Variants in SMAP1 observed in about 807,000 individuals in gnomAD.
The protein encoded by SMAP1 is stromal membrane-associated protein 1.
In SMAP1, 24 loss-of-function variants were observed where a neutral mutation model predicts 58.5. That is an observed-to-expected ratio of 0.41 (90% confidence interval 0.30 to 0.58). The LOEUF is 0.58. Among genes scored for constraint, SMAP1 ranks in the 20% least tolerant of loss-of-function variants. The pLI, the probability that SMAP1 is intolerant of heterozygous loss-of-function variation, is 0.29. For missense variants in SMAP1, 563 were observed against 566.3 expected, an observed-to-expected ratio of 0.99 and a Z score of 0.06; for synonymous variants, 216 against 196.6, an observed-to-expected ratio of 1.10 and a Z score of -0.82.
At chr6:70,763,984 C>T (rs758282982) in intron 3 of SMAP1, among the ~76,000 whole-genome samples, 10 of 152,130 alleles carry the variant, frequency 6.6e-5, no homozygotes, top group Non-Finnish European at 1.3e-4. Context: ...GGGCAGTCAA[C>T]TCACTGCAGC....
chr6:70,681,222 C>A (rs956942407), intron 1 of SMAP1, among the ~76,000 whole-genome samples: 15 of 151,898 alleles, frequency 9.9e-5, no homozygotes, highest in African/African-American at 3.6e-4. Context: ...AGTTCAAGGC[C>A]AGCCTTGGCA....
intron 5 of SMAP1, among the ~76,000 whole-genome samples, chr6:70,792,187 A>T (rs540018587): frequency 6.6e-6 from 1 of 152,192 alleles, no homozygotes; most frequent in African/African-American, 2.4e-5. Context: ...TTATGGGATA[A>T]TGAGTTCAGA....
At chr6:70,736,137 A>C (rs1301046148) in intron 2 of SMAP1, among the ~76,000 whole-genome samples, 2 of 152,304 alleles carry the variant, frequency 1.3e-5, no homozygotes, top group Non-Finnish European at 2.9e-5. Context: ...TTCAGTTTTT[A>C]GAGCACAACA....
In SMAP1 at chr6:70,805,812, T is replaced by G. The variant is rs1769100259; in HGVS notation, c.576+7075T>G. Among the ~76,000 whole-genome samples, 2 of 152,214 alleles carry G rather than the reference T, an allele frequency of 1.3e-5. 1 individual carries two copies. Among genetic ancestry groups the G allele is most frequent in the South Asian group, 4.1e-4 (2 of 4,836 alleles). The stretch of plus-strand genomic sequence containing the variant: ...CTGGAGGTCTACTGTGGACGCTGTT[T>G]TCCTGGGTGTCACCAGCAGAGGCTG... On this transcript the variant is annotated intron_variant, in intron 6 of 10. Transcript: ENST00000370455.
intron 3 of SMAP1, among the ~76,000 whole-genome samples, chr6:70,758,538 T>A (rs923996639): frequency 9.2e-5 from 14 of 151,460 alleles, no homozygotes; most frequent in Non-Finnish European, 2.1e-4. Flanking sequence ...AATAAATAAA[T>A]AAAAATAAAA....
chr6:70,704,147 A>G (rs1767745883), intron 1 of SMAP1, among the ~76,000 whole-genome samples: 4 of 152,150 alleles, frequency 2.6e-5, no homozygotes, highest in Non-Finnish European at 5.9e-5. Context: ...TGAAACTTAT[A>G]TTTTTCCTAG....
At chr6:70,742,110 C>T (rs1191807571) in intron 2 of SMAP1, among the ~76,000 whole-genome samples, 1 of 152,238 alleles carries the variant, frequency 6.6e-6, no homozygotes, top group African/African-American at 2.4e-5. Flanking sequence ...GCCCTGAGGA[C>T]ATTTTCCCCA....
intron 1 of SMAP1, chr6:70,668,674 T>C: frequency 6.5e-7 from 1 of 1,536,040 alleles, no homozygotes; most frequent in South Asian, 1.2e-5. Flanking sequence ...TGTACAAGGC[T>C]TTTATCTCTG....
rs530205235 is a variant in SMAP1, at chr6:70,669,311, A to G, written c.118+1170A>G. Among the ~76,000 whole-genome samples the G allele has an allele frequency of 9.2e-5, 14 of 152,318 alleles. No homozygotes were observed. The South Asian group carries it at 2.9e-3, about 32-fold the overall frequency. ...TTACTGTTCTATCTCAATACTATAT[A>G]AATGAGTCACATTTCAGTAGGCTGA... On this transcript the variant is annotated intron_variant, in intron 1 of 10. Transcript: ENST00000370455.
chr6:70,829,394 C>T (rs370844025), intron 6 of SMAP1, among the ~76,000 whole-genome samples: 2 of 152,190 alleles, frequency 1.3e-5, no homozygotes, highest in African/African-American at 2.4e-5. Flanking sequence ...ACTACTGTCA[C>T]GTGCCACCTG....
intron 7 of SMAP1, among the ~76,000 whole-genome samples, chr6:70,845,594 G>A (rs1770957224): frequency 6.6e-6 from 1 of 152,196 alleles, no homozygotes; most frequent in South Asian, 2.1e-4. Context: ...CACCTTTAGA[G>A]TGAATAACAG....
At chr6:70,671,159 A>G (rs1281372916) in intron 1 of SMAP1, among the ~76,000 whole-genome samples, 1 of 149,682 alleles carries the variant, frequency 6.7e-6, no homozygotes, top group East Asian at 1.9e-4. Context: ...AGTGTTATCT[A>G]CAGGTAATTC....
intron 6 of SMAP1, among the ~76,000 whole-genome samples, chr6:70,816,991 G>C (rs1041277625): frequency 6.6e-6 from 1 of 151,774 alleles, no homozygotes; most frequent in Admixed American, 6.6e-5. Context: ...TGTGATTTAT[G>C]GACATTGCAT....
chr6:70,780,026 C>A (rs940452364), intron 4 of SMAP1, among the ~76,000 whole-genome samples: 1 of 152,052 alleles, frequency 6.6e-6, no homozygotes, highest in Admixed American at 6.6e-5. Context: ...TTCAACTGTA[C>A]GGCTGCATCT....
At chr6:70,692,820 G>A (rs552734344) in intron 1 of SMAP1, among the ~76,000 whole-genome samples, 32 of 152,282 alleles carry the variant, frequency 2.1e-4, no homozygotes, top group Non-Finnish European at 3.4e-4. Flanking sequence ...GTCTCGCTCT[G>A]TTGCCCAGGC....
At position 70,668,134 on chromosome 6, in the gene SMAP1, G is replaced by A. The variant is rs754408759; in HGVS notation, c.111G>A (p.Glu37=). Residue 37 remains glutamate (E), a synonymous_variant, in exon 1 of 11, where the codon GAG becomes GAA. Transcript: ENST00000370455. The part of the protein sequence containing the change: ...EEDNKYCADC[E]AKGPRWASWN... Reference sequence around the variant, plus strand: ...ACAACAAGTACTGCGCCGACTGCGAGGCCAAAGGTAGCTTGGACGTCGTCG... The same window carrying A: ...ACAACAAGTACTGCGCCGACTGCGAAGCCAAAGGTAGCTTGGACGTCGTCG... 6.3e-7 allele frequency: 1 copy of A among 1,598,498 alleles called. No individual in the cohort carries two copies. Among genetic ancestry groups the A allele is most frequent in the Non-Finnish European group, 8.5e-7 (1 of 1,173,582 alleles).
At chr6:70,688,672 A>G (rs923095602) in intron 1 of SMAP1, among the ~76,000 whole-genome samples, 3 of 152,136 alleles carry the variant, frequency 2.0e-5, no homozygotes, top group African/African-American at 7.2e-5. Flanking sequence ...AGTGCTTTAT[A>G]TATTCTAGAT....
intron 7 of SMAP1, among the ~76,000 whole-genome samples, chr6:70,852,064 C>A (rs1771205269): frequency 6.6e-6 from 1 of 152,074 alleles, no homozygotes. Context: ...AACACACACA[C>A]CCTCACACAT....
intron 1 of SMAP1, among the ~76,000 whole-genome samples, chr6:70,679,286 T>C (rs1274970327): frequency 6.6e-6 from 1 of 152,198 alleles, no homozygotes; most frequent in Non-Finnish European, 1.5e-5. Context: ...CCCAAAGTGC[T>C]GGGATTACAG....
Sources: gnomAD v4.1 joint callset for allele counts (sites outside exome capture counted in the v4.1 genomes callset) on GRCh38, gnomAD v4.1.1 for gene constraint, MANE v1.5 for transcripts, NCBI Gene and HGNC (gene_info 2026-07-23, HGNC 2026-07-21) for gene names.